RCHY1: variants seen among roughly 807,000 people sequenced by gnomAD.
RCHY1 encodes ring finger and CHY zinc finger domain containing 1, also known as RING finger and CHY zinc finger domain-containing protein 1.
A neutral mutation model predicts 41.6 loss-of-function variants in RCHY1; 21 were observed. The observed-to-expected ratio is 0.51, with a 90% confidence interval of 0.36 to 0.73. RCHY1 has a LOEUF of 0.73. Ranked by LOEUF, RCHY1 falls within the 30% of genes least tolerant of loss-of-function variation. RCHY1 has a pLI of 0.00. For missense variants in RCHY1, 265 were observed against 325.3 expected (o/e 0.81, Z 1.43); for synonymous variants, 79 against 102.9 (o/e 0.77, Z 1.41).
chr4:75,492,400 T>C (rs1048407309), intron 4 of RCHY1, among the ~76,000 whole-genome samples: 1 of 151,952 alleles, frequency 6.6e-6, no homozygotes, highest in South Asian at 2.1e-4. Flanking sequence ...AATCTCACAA[T>C]CCTAGATGAA....
chr4:75,491,010 C>T (rs966189772), intron 7 of RCHY1: 5 of 191,470 alleles, frequency 2.6e-5, no homozygotes, highest in Non-Finnish European at 5.3e-5. Context: ...TCTAAACAAC[C>T]TTAATTTCTT....
chr4:75,512,142 G>A (rs781134147), intron 1 of RCHY1, among the ~76,000 whole-genome samples: 4 of 152,112 alleles, frequency 2.6e-5, no homozygotes, highest in Admixed American at 1.3e-4. Context: ...AAGCATCACC[G>A]TCCTTGCTGG....
chr4:75,500,824 A>G (rs1560524325), intron 3 of RCHY1, among the ~76,000 whole-genome samples: 1 of 152,202 alleles, frequency 6.6e-6, no homozygotes, highest in Non-Finnish European at 1.5e-5. Context: ...ATTCCCAAAA[A>G]AGACTTGGTG....
At chr4:75,495,031 A>T (rs529553065) in intron 3 of RCHY1, among the ~76,000 whole-genome samples, 1 of 152,140 alleles carries the variant, frequency 6.6e-6, no homozygotes. Context: ...TAAAAAATAT[A>T]TCATGAATAT....
intron 3 of RCHY1, among the ~76,000 whole-genome samples, chr4:75,505,009 C>T (rs887972666): frequency 2.6e-5 from 4 of 152,124 alleles, no homozygotes; most frequent in Admixed American, 1.3e-4. Context: ...TATACGGCAG[C>T]GGTCACCAAC....
chr4:75,495,794 T>A (rs371988206), intron 3 of RCHY1, among the ~76,000 whole-genome samples: 1 of 151,978 alleles, frequency 6.6e-6, no homozygotes, highest in Non-Finnish European at 1.5e-5. Context: ...GTTTGAAGAG[T>A]CAATTTTTGG....
chr4:75,487,646 T>TATATATATTC, intron 8 of RCHY1, among the ~76,000 whole-genome samples: 1 of 53,930 alleles, frequency 1.9e-5, no homozygotes, highest in Admixed American at 2.4e-4. Context: ...TATATTCATA[T>TATATATATTC]ATATTCATAA....
chr4:75,485,012 TTAAC>T (rs1299047959), intron 8 of RCHY1, among the ~76,000 whole-genome samples: 1 of 152,206 alleles, frequency 6.6e-6, no homozygotes, highest in African/African-American at 2.4e-5. Flanking sequence ...AATAAAAAGC[TTAAC>T]TAACTGATAA....
At chr4:75,490,038 T>C (rs537951917) in intron 8 of RCHY1, among the ~76,000 whole-genome samples, 1 of 152,296 alleles carries the variant, frequency 6.6e-6, no homozygotes, top group African/African-American at 2.4e-5. Context: ...TCAAGACTTC[T>C]CTGTAATTAT....
At chr4:75,489,354 C>A (rs1722541021) in intron 8 of RCHY1, among the ~76,000 whole-genome samples, 1 of 152,094 alleles carries the variant, frequency 6.6e-6, no homozygotes, top group Non-Finnish European at 1.5e-5. Flanking sequence ...GTATCCCATG[C>A]AAGAGGGTTA....
At position 75,500,793 on chromosome 4, in the gene RCHY1, T is replaced by C. The variant is rs115382086; in HGVS notation, c.327-6614A>G. Among the ~76,000 whole-genome samples, 427 of 152,264 alleles carry C rather than the reference T, an allele frequency of 2.8e-3. 2 individuals are homozygous for C. The highest frequency in any genetic ancestry group is 9.1e-3 in the African/African-American group (377 of 41,540). ...AAAGCAATGACAAACTTTCATGATA[T>C]ACCTAAGACAAAAATGTTTAATTCC... On this transcript the variant is annotated intron_variant, in intron 3 of 8. Coordinates refer to ENST00000324439, the MANE Select transcript of RCHY1 (RefSeq NM_015436.4).
chr4:75,488,104 G>A (rs1722409482), intron 8 of RCHY1, among the ~76,000 whole-genome samples: 1 of 151,104 alleles, frequency 6.6e-6, no homozygotes, highest in Non-Finnish European at 1.5e-5. Flanking sequence ...AGGAAGCACT[G>A]TCAAATAAGA....
chr4:75,502,518 C>T (rs1221255392), intron 3 of RCHY1, among the ~76,000 whole-genome samples: 1 of 151,858 alleles, frequency 6.6e-6, no homozygotes, highest in African/African-American at 2.4e-5. Flanking sequence ...CCAGCCTGGG[C>T]GCCAGAGTGA....
At chr4:75,496,372 GA>G (rs979958686) in intron 3 of RCHY1, among the ~76,000 whole-genome samples, 91 of 152,146 alleles carry the variant, frequency 6.0e-4, no homozygotes, top group African/African-American at 2.0e-3. Flanking sequence ...ATGATGAGCT[GA>G]GACAGTCTAG....
intron 4 of RCHY1, among the ~76,000 whole-genome samples, chr4:75,492,602 T>C (rs1722848680): frequency 6.6e-6 from 1 of 151,934 alleles, no homozygotes. Context: ...GGGAAAGCAC[T>C]GTGCCATGGA....
At chr4:75,507,080 CA>C (rs892145714) in intron 3 of RCHY1, among the ~76,000 whole-genome samples, 6 of 151,000 alleles carry the variant, frequency 4.0e-5, no homozygotes, top group Non-Finnish European at 8.9e-5. Flanking sequence ...TTTTCAGAGA[CA>C]AAAAAAACTG....
At chr4:75,490,986 TA>T (rs1215160279) in intron 7 of RCHY1, 2 of 221,762 alleles carry the variant, frequency 9.0e-6, no homozygotes, top group African/African-American at 4.6e-5. Flanking sequence ...ATAAACTAAT[TA>T]AGCTACTCCT....
intron 1 of RCHY1, among the ~76,000 whole-genome samples, chr4:75,510,454 C>T (rs911898088): frequency 2.6e-5 from 4 of 152,172 alleles, no homozygotes; most frequent in Admixed American, 1.3e-4. Context: ...CCTTGCAGAT[C>T]CACTCATTTC....
At chr4:75,511,658 G>C (rs1724890820) in intron 1 of RCHY1, among the ~76,000 whole-genome samples, 1 of 151,926 alleles carries the variant, frequency 6.6e-6, no homozygotes, top group Admixed American at 6.5e-5. Context: ...TAAAATTAAC[G>C]ATTTTACTGC....
Sources: allele counts gnomAD v4.1 joint callset (sites outside exome capture counted in the v4.1 genomes callset), GRCh38; gene constraint gnomAD v4.1.1; transcripts MANE v1.5; gene names NCBI Gene and HGNC (gene_info 2026-07-23, HGNC 2026-07-21).